Variants in TRMT11 observed in about 807,000 individuals in gnomAD.
TRMT11 encodes the protein tRNA methyltransferase 11, also known as tRNA (guanine(10)-N(2))-methyltransferase TRMT11.
TRMT11 carries 53 observed loss-of-function variants against 62.8 expected under a neutral mutation model. The ratio of observed to expected loss-of-function variants is 0.84; its 90% CI spans 0.68 to 1.06. The LOEUF (loss-of-function observed/expected upper bound fraction) is 1.06, where lower values mean the gene tolerates loss of function less well. TRMT11 is among the 50% of genes least tolerant of loss of function. The pLI, the probability that TRMT11 is intolerant of heterozygous loss-of-function variation, is 0.00. For synonymous variants in TRMT11, 188 were observed against 190.3 expected (o/e 0.99, Z 0.10); for missense variants, 556 against 553.4 (o/e 1.00, Z -0.05).
chr6:126,134,640 G>T (rs1777830059), intron 21 of TRMT11, among the ~76,000 whole-genome samples: 2 of 151,784 alleles, frequency 1.3e-5, no homozygotes, highest in Admixed American at 1.3e-4. Context: ...TAGATTAAAT[G>T]GACTTAACAT....
downstream of TRMT11, among the ~76,000 whole-genome samples, chr6:126,042,243 G>A (rs1209667870): frequency 6.6e-6 from 1 of 152,096 alleles, no homozygotes; most frequent in Non-Finnish European, 1.5e-5. Flanking sequence ...GAAAAACTAG[G>A]GAACCTGACC....
At chr6:126,252,350 C>T in the TRMT11 span, among the ~76,000 whole-genome samples, 1 of 152,194 alleles carries the variant, frequency 6.6e-6, no homozygotes, top group Admixed American at 6.5e-5. Context: ...ACGGCTTCTC[C>T]AGTATGGTGG....
chr6:126,025,482 T>G (rs890658319), intron 12 of TRMT11, among the ~76,000 whole-genome samples: 2 of 152,216 alleles, frequency 1.3e-5, no homozygotes, highest in African/African-American at 4.8e-5. Context: ...GAAATGGTCT[T>G]CCCTATATAA....
At chr6:126,122,632 G>A (rs1777663330) in intron 21 of TRMT11, among the ~76,000 whole-genome samples, 1 of 152,066 alleles carries the variant, frequency 6.6e-6, no homozygotes, top group African/African-American at 2.4e-5. Flanking sequence ...TGGCCCTGCT[G>A]GGCTTCCCCA....
chr6:126,147,514 C>G (rs1777987182), intron 21 of TRMT11, among the ~76,000 whole-genome samples: 1 of 152,160 alleles, frequency 6.6e-6, no homozygotes, highest in Non-Finnish European at 1.5e-5. Context: ...AAGCTGCATT[C>G]CACGAACCAG....
chr6:126,063,808 T>G (rs891178294), intron 17 of TRMT11, among the ~76,000 whole-genome samples: 3 of 152,214 alleles, frequency 2.0e-5, no homozygotes, highest in African/African-American at 7.2e-5. Flanking sequence ...CAAAAGCTTT[T>G]ACAGCCCAGG....
At chr6:125,986,777 A>G (rs1789704885) in intron 1 of TRMT11, 155 bp downstream of exon 1, 2 of 662,544 alleles carry the variant, frequency 3.0e-6, no homozygotes, top group Admixed American at 2.9e-5. Flanking sequence ...GGGCGGGGTG[A>G]GCTTGGCGGA....
chr6:126,248,517 G>A, the TRMT11 span, among the ~76,000 whole-genome samples: 1 of 151,932 alleles, frequency 6.6e-6, no homozygotes, highest in Admixed American at 6.6e-5. Context: ...AAAAAACAAA[G>A]TCACCTTTCA....
At chr6:126,147,288 A>G (rs1355904369) in intron 21 of TRMT11, among the ~76,000 whole-genome samples, 1 of 151,962 alleles carries the variant, frequency 6.6e-6, no homozygotes, top group Non-Finnish European at 1.5e-5. Context: ...ATGGAATCTC[A>G]TTTCATTTTT....
intron 16 of TRMT11, among the ~76,000 whole-genome samples, chr6:126,053,069 C>A (rs1434402824): frequency 6.6e-6 from 1 of 152,018 alleles, no homozygotes; most frequent in Non-Finnish European, 1.5e-5. Context: ...AAGGCTAGAC[C>A]TTGAAGTGTA....
At chr6:126,177,175 C>T (rs1382400437), upstream of TRMT11, 1 of 152,110 alleles carries the variant, frequency 6.6e-6, no homozygotes, top group Non-Finnish European at 1.5e-5. Flanking sequence ...CATTGGCTCT[C>T]TGATTTCTTC....
the TRMT11 span, among the ~76,000 whole-genome samples, chr6:126,258,672 T>A: frequency 1.3e-5 from 2 of 152,384 alleles, no homozygotes; most frequent in Non-Finnish European, 2.9e-5. Flanking sequence ...GTATAGTTGT[T>A]CACAATAATT....
intron 8 of TRMT11, among the ~76,000 whole-genome samples, chr6:126,011,024 G>A (rs948073568): frequency 6.6e-6 from 1 of 152,106 alleles, no homozygotes; most frequent in African/African-American, 2.4e-5. Flanking sequence ...TTTTAAGGCA[G>A]TTTTACTTGG....
chr6:126,199,990 G>A (rs1326158804), intron 3 of TRMT11: 1 of 152,150 alleles, frequency 6.6e-6, no homozygotes, highest in Non-Finnish European at 1.5e-5. Context: ...CATGTATAAG[G>A]TGGTTGAGAA....
the TRMT11 span, among the ~76,000 whole-genome samples, chr6:126,247,205 G>A: frequency 6.6e-6 from 1 of 152,186 alleles, no homozygotes; most frequent in Non-Finnish European, 1.5e-5. Flanking sequence ...GAAGAGCCTT[G>A]TGGGGAATAG....
chr6:126,112,678 G>A (rs1309307321), intron 17 of TRMT11, among the ~76,000 whole-genome samples: 1 of 151,966 alleles, frequency 6.6e-6, no homozygotes, highest in South Asian at 2.1e-4. Flanking sequence ...TTTTTGCTTG[G>A]CTGCTAGCTA....
At chr6:126,234,754 T>C in the TRMT11 span, among the ~76,000 whole-genome samples, 5 of 152,226 alleles carry the variant, frequency 3.3e-5, no homozygotes, top group Non-Finnish European at 5.9e-5. Flanking sequence ...AAACTGTCTT[T>C]ATTCATGCTT....
intron 17 of TRMT11, among the ~76,000 whole-genome samples, chr6:126,067,644 A>G (rs547979232): frequency 1.6e-4 from 25 of 152,326 alleles, no homozygotes; most frequent in African/African-American, 5.8e-4. Flanking sequence ...TGCTGTAAAC[A>G]TTCTTTTACA....
At chr6:126,083,445 G>A (rs895349540) in intron 17 of TRMT11, among the ~76,000 whole-genome samples, 2 of 152,046 alleles carry the variant, frequency 1.3e-5, no homozygotes, top group African/African-American at 4.8e-5. Flanking sequence ...TTCCTTTTCT[G>A]AATTTTCAGC....
Sources: gnomAD v4.1 joint callset for allele counts (sites outside exome capture counted in the v4.1 genomes callset) on GRCh38, gnomAD v4.1.1 for gene constraint, MANE v1.5 for transcripts, NCBI Gene and HGNC (gene_info 2026-07-23, HGNC 2026-07-21) for gene names.